MTR: variants seen among roughly 807,000 people sequenced by gnomAD.
The protein encoded by MTR is methionine synthase.
MTR carries 84 observed loss-of-function variants against 154.8 expected under a neutral mutation model. The ratio of observed to expected loss-of-function variants is 0.54; its 90% CI spans 0.45 to 0.65. MTR has a LOEUF of 0.65. MTR is among the 30% of genes least tolerant of loss of function. The pLI, the probability that MTR is intolerant of heterozygous loss-of-function variation, is 0.00. For synonymous variants in MTR, 554 were observed against 553.9 expected, an observed-to-expected ratio of 1.00 and a Z score of 0.00; for missense variants, 1,275 against 1,570.2, an observed-to-expected ratio of 0.81 and a Z score of 3.18.
In MTR at chr1:236,894,318, AC is replaced by A. The variant is rs1408958551; in HGVS notation, c.3205-38del. 5 of 1,606,120 alleles carry A rather than the reference AC, an allele frequency of 3.1e-6. No homozygotes were observed. In the African/African-American group the frequency reaches 6.7e-5, roughly 21 times the overall value. Reference sequence around the variant, plus strand: ...GTGTGCTGGCGCCACGTTCTTGCTAACGGCGCCCCCGCACACTCCTACACTC... The same window carrying A: ...GTGTGCTGGCGCCACGTTCTTGCTAAGGCGCCCCCGCACACTCCTACACTC... On this transcript the variant is annotated intron_variant, in intron 29 of 32. Coordinates refer to ENST00000366577, the MANE Select transcript of MTR (RefSeq NM_000254.3).
chr1:236,824,266 A>C (rs1322729392), intron 9 of MTR, 47 bp downstream of exon 9: 3 of 1,429,908 alleles, frequency 2.1e-6, no homozygotes, highest in Non-Finnish European at 3.0e-6. Flanking sequence ...AAATAACATA[A>C]GACATGGCAT....
At chr1:236,882,294 T>G (rs1221237096) in intron 25 of MTR, among the ~76,000 whole-genome samples, 1 of 152,212 alleles carries the variant, frequency 6.6e-6, no homozygotes, top group Non-Finnish European at 1.5e-5. Flanking sequence ...GGCAAGACTT[T>G]TGGATCCATT....
chr1:236,830,507 C>T (rs1662549387), intron 12 of MTR, among the ~76,000 whole-genome samples: 2 of 152,206 alleles, frequency 1.3e-5, no homozygotes, highest in Admixed American at 1.3e-4. Flanking sequence ...AATCACCTTC[C>T]ATCAGATTTT....
At chr1:236,826,964 C>G in intron 11 of MTR, 68 bp downstream of exon 11, 1 of 1,415,048 alleles carries the variant, frequency 7.1e-7, no homozygotes, top group Non-Finnish European at 1.0e-6. Flanking sequence ...TAAATATGTA[C>G]TTTTTGTTAT....
chr1:236,831,286 A>G (rs75969649), intron 12 of MTR, among the ~76,000 whole-genome samples: 1,835 of 152,336 alleles, frequency 0.012, 37 homozygotes, highest in African/African-American at 0.042. Context: ...ATATATCCAC[A>G]TGTATTATCT....
chr1:236,803,357 T>G (rs1333444664), intron 1 of MTR, 71 bp from the exon 2 acceptor site: 5 of 1,413,152 alleles, frequency 3.5e-6, no homozygotes, highest in Non-Finnish European at 4.0e-6. Flanking sequence ...TATAAATTTC[T>G]CTAAAGCTCC....
rs1291127450 is a variant in MTR, at chr1:236,902,096, C to G, written c.*4452C>G. 2 of 152,374 alleles carry G rather than the reference C, an allele frequency of 1.3e-5. No homozygotes were observed. The highest frequency in any genetic ancestry group is 2.9e-5 in the Non-Finnish European group (2 of 68,250). 9.4% of individuals were successfully genotyped at this position (152,374 alleles called of 1,614,324 possible). On this transcript the variant is annotated 3_prime_UTR_variant, in exon 33 of 33. Transcript: ENST00000366577. ...TTCTTTACACCCCCGCCTCAATCCT[C>G]CTGCTGCCTGAATAACCATCTCCCC... is the stretch of plus-strand genomic sequence containing the variant.
chr1:236,830,262 C>T (rs1031331309), intron 12 of MTR, among the ~76,000 whole-genome samples: 76 of 152,042 alleles, frequency 5.0e-4, no homozygotes, highest in Non-Finnish European at 4.4e-4. Flanking sequence ...TACTCCCTCT[C>T]TGGAAATAGT....
At chr1:236,890,696 A>G (rs2147937858) in intron 28 of MTR, among the ~76,000 whole-genome samples, 1 of 152,298 alleles carries the variant, frequency 6.6e-6, no homozygotes, top group South Asian at 2.1e-4. Context: ...ATCGTTACGA[A>G]TTATATTGTA....
At chr1:236,857,338 T>C (rs1252301350) in intron 18 of MTR, among the ~76,000 whole-genome samples, 1 of 152,254 alleles carries the variant, frequency 6.6e-6, no homozygotes, top group African/African-American at 2.4e-5. Flanking sequence ...CTGTTACCAC[T>C]ACTGAGTCCA....
chr1:236,806,093 G>A, intron 2 of MTR, 51 bp from the exon 3 acceptor site: 1 of 1,469,362 alleles, frequency 6.8e-7, no homozygotes, highest in Non-Finnish European at 9.5e-7. Context: ...TTATTCTGGG[G>A]GCACAAGAAA....
chr1:236,860,068 TGCCCCC>T (rs1664436606), intron 19 of MTR, 146 bp downstream of exon 19: 3 of 264,344 alleles, frequency 1.1e-5, no homozygotes, highest in African/African-American at 8.5e-5. Context: ...GTCCCCCAGC[TGCCCCC>T]CCCCCCCCCC....
chr1:236,834,744 T>C (rs980039423), intron 13 of MTR, among the ~76,000 whole-genome samples: 4 of 152,224 alleles, frequency 2.6e-5, no homozygotes, highest in African/African-American at 9.6e-5. Flanking sequence ...GCCTTGTTAC[T>C]TAGAAGGTAT....
At chr1:236,852,674 T>G in intron 17 of MTR, 37 bp downstream of exon 17, 2 of 1,566,568 alleles carry the variant, frequency 1.3e-6, no homozygotes, top group East Asian at 2.2e-5. Context: ...CGGAAACCAG[T>G]TTTTAGTTGG....
In MTR at chr1:236,850,535, C is replaced by T. The variant is rs1663837269; in HGVS notation, c.1695+12C>T. On this transcript the variant is annotated intron_variant, in intron 16 of 32. Coordinates refer to ENST00000366577, the MANE Select transcript of MTR (RefSeq NM_000254.3). ...CAAAAGTCATTAAAGTAAGTGTAGG[C>T]ATGTTCTCTCCCAAGTCATGGCTCA... 1 of 1,611,914 alleles carries T rather than the reference C, an allele frequency of 6.2e-7. No individual in the cohort carries two copies. The highest frequency in any genetic ancestry group is 8.5e-7 in the Non-Finnish European group (1 of 1,178,416).
At chr1:236,861,996 A>G (rs1214084446) in intron 20 of MTR, among the ~76,000 whole-genome samples, 1 of 152,254 alleles carries the variant, frequency 6.6e-6, no homozygotes. Context: ...GCCAAAGTTC[A>G]GAAGACAGAA....
chr1:236,893,193 G>A (rs747046030), intron 29 of MTR, among the ~76,000 whole-genome samples: 4 of 152,172 alleles, frequency 2.6e-5, no homozygotes, highest in African/African-American at 7.2e-5. Flanking sequence ...TTGATGGGCC[G>A]AGTATACCTG....
intron 25 of MTR, among the ~76,000 whole-genome samples, 155 bp from the exon 26 acceptor site, chr1:236,884,966 C>G (rs748259659): frequency 1.3e-5 from 2 of 152,150 alleles, no homozygotes; most frequent in Non-Finnish European, 2.9e-5. Flanking sequence ...ACTGAGTTTA[C>G]CTTTTCCTGC....
At chr1:236,839,243 T>C (rs1458889692) in intron 15 of MTR, among the ~76,000 whole-genome samples, 1 of 152,192 alleles carries the variant, frequency 6.6e-6, no homozygotes, top group Non-Finnish European at 1.5e-5. Flanking sequence ...TCCAACCATA[T>C]ACTAAAATAA....
Sources: gnomAD v4.1 joint callset for allele counts (sites outside exome capture counted in the v4.1 genomes callset) on GRCh38, gnomAD v4.1.1 for gene constraint, MANE v1.5 for transcripts, NCBI Gene and HGNC (gene_info 2026-07-23, HGNC 2026-07-21) for gene names.